ATRNL1: variants seen among roughly 807,000 people sequenced by gnomAD.
ATRNL1 encodes attractin like 1.
Under a neutral mutation model 182.7 loss-of-function variants are expected in ATRNL1, and 95 were observed. The observed-to-expected ratio is 0.52, with a 90% CI of 0.44 to 0.62. The LOEUF (loss-of-function observed/expected upper bound fraction) is 0.62, where lower values mean the gene tolerates loss of function less well. ATRNL1 is among the 20% of genes least tolerant of loss of function. ATRNL1 has a pLI of 0.00. For missense variants in ATRNL1, 1,471 were observed against 1,679.5 expected, an observed-to-expected ratio of 0.88 and a Z score of 2.17; for synonymous variants, 576 against 568.3, an observed-to-expected ratio of 1.01 and a Z score of -0.19.
chr10:115,625,553 T>C (rs184074005), intron 26 of ATRNL1, among the ~76,000 whole-genome samples: 220 of 152,094 alleles, frequency 1.4e-3, no homozygotes, highest in African/African-American at 4.9e-3. Flanking sequence ...AAAGAAAAAA[T>C]AGACCATGAA....
chr10:115,468,324 A>T (rs1461190533), intron 23 of ATRNL1, among the ~76,000 whole-genome samples: 2 of 150,898 alleles, frequency 1.3e-5, no homozygotes, highest in Non-Finnish European at 1.5e-5. Flanking sequence ...TTAGTATGCA[A>T]GACATCACGT....
At chr10:115,919,110 G>C (rs998775209) in intron 28 of ATRNL1, among the ~76,000 whole-genome samples, 6 of 152,140 alleles carry the variant, frequency 3.9e-5, no homozygotes, top group African/African-American at 1.4e-4. Flanking sequence ...GTTCCAGTTG[G>C]GAACCAGCAT....
intron 24 of ATRNL1, among the ~76,000 whole-genome samples, chr10:115,483,705 A>G (rs949196513): frequency 6.6e-6 from 1 of 151,630 alleles, no homozygotes; most frequent in Non-Finnish European, 1.5e-5. Context: ...TTATTTACAC[A>G]TGGTACTTTA....
chr10:115,637,796 T>C (rs1466257727), intron 26 of ATRNL1, among the ~76,000 whole-genome samples: 1 of 151,824 alleles, frequency 6.6e-6, no homozygotes, highest in African/African-American at 2.4e-5. Flanking sequence ...AGCTAGTTTT[T>C]GTTTTGTTAG....
At chr10:115,530,758 C>T (rs1228940126) in intron 25 of ATRNL1, among the ~76,000 whole-genome samples, 7 of 147,066 alleles carry the variant, frequency 4.8e-5, no homozygotes, top group Non-Finnish European at 1.0e-4. Context: ...AGGTATATCT[C>T]CTCATGCTAT....
chr10:115,739,342 T>C (rs1163008198), intron 27 of ATRNL1, among the ~76,000 whole-genome samples: 7 of 152,232 alleles, frequency 4.6e-5, no homozygotes, highest in Non-Finnish European at 1.0e-4. Context: ...AGTAAGACTA[T>C]AATATCCTTT....
chr10:115,917,198 C>T (rs1231727345), intron 28 of ATRNL1, among the ~76,000 whole-genome samples: 1 of 151,734 alleles, frequency 6.6e-6, no homozygotes, highest in African/African-American at 2.4e-5. Flanking sequence ...CGGCTGGGAG[C>T]GGTGGCTCGC....
intron 26 of ATRNL1, among the ~76,000 whole-genome samples, chr10:115,662,355 T>G (rs1444410482): frequency 1.3e-5 from 2 of 152,132 alleles, no homozygotes; most frequent in Non-Finnish European, 2.9e-5. Context: ...ACTTTTACAC[T>G]GTTGGTGGGA....
At chr10:115,338,358 T>C (rs1055551833) in intron 19 of ATRNL1, among the ~76,000 whole-genome samples, 15 of 152,182 alleles carry the variant, frequency 9.9e-5, no homozygotes, top group African/African-American at 3.6e-4. Context: ...TCACCAACTG[T>C]GTACAAGGGT....
intron 20 of ATRNL1, among the ~76,000 whole-genome samples, chr10:115,419,013 G>T (rs564567668): frequency 6.6e-6 from 1 of 152,056 alleles, no homozygotes; most frequent in Non-Finnish European, 1.5e-5. Flanking sequence ...TAATTTTGTT[G>T]TATAAACCAC....
intron 24 of ATRNL1, among the ~76,000 whole-genome samples, chr10:115,508,618 G>A (rs1443315681): frequency 6.6e-6 from 1 of 151,966 alleles, no homozygotes; most frequent in Admixed American, 6.6e-5. Flanking sequence ...TTAGTTGTCC[G>A]AATATAAGAT....
At chr10:115,513,136 C>T (rs1850472351) in intron 24 of ATRNL1, among the ~76,000 whole-genome samples, 1 of 151,910 alleles carries the variant, frequency 6.6e-6, no homozygotes, top group Admixed American at 6.6e-5. Flanking sequence ...CCCAGGGAAG[C>T]CAAAAGATTG....
intron 27 of ATRNL1, among the ~76,000 whole-genome samples, chr10:115,833,033 A>C (rs1233827652): frequency 6.6e-6 from 1 of 151,784 alleles, no homozygotes; most frequent in Non-Finnish European, 1.5e-5. Context: ...GACATGTAAG[A>C]GGAGAAAAAA....
intron 15 of ATRNL1, among the ~76,000 whole-genome samples, chr10:115,287,515 T>G (rs919446407): frequency 1.3e-5 from 2 of 152,030 alleles, no homozygotes; most frequent in Non-Finnish European, 2.9e-5. Context: ...TGTGGAAAAA[T>G]GTCTTAATTT....
chr10:115,536,634 G>A (rs964915638), intron 25 of ATRNL1, among the ~76,000 whole-genome samples: 1 of 152,164 alleles, frequency 6.6e-6, no homozygotes, highest in East Asian at 1.9e-4. Context: ...TGCGCCCACT[G>A]TCTGGCACTC....
At chr10:115,795,186 T>C (rs1367863451) in intron 27 of ATRNL1, among the ~76,000 whole-genome samples, 2 of 152,174 alleles carry the variant, frequency 1.3e-5, no homozygotes, top group African/African-American at 4.8e-5. Flanking sequence ...TATTGCTGCT[T>C]CCAGGCCTCT....
chr10:115,930,827 C>A (rs1425654638), intron 28 of ATRNL1, among the ~76,000 whole-genome samples: 1 of 152,076 alleles, frequency 6.6e-6, no homozygotes, highest in African/African-American at 2.4e-5. Context: ...AATGGGTAGC[C>A]CTTTGGCACT....
At chr10:115,362,461 T>A (rs1374423136) in intron 19 of ATRNL1, among the ~76,000 whole-genome samples, 2 of 152,076 alleles carry the variant, frequency 1.3e-5, no homozygotes, top group Non-Finnish European at 2.9e-5. Flanking sequence ...ATACTTATGA[T>A]TTTTTGTTAT....
intron 26 of ATRNL1, among the ~76,000 whole-genome samples, chr10:115,566,327 C>T (rs1396859480): frequency 1.3e-5 from 2 of 152,092 alleles, no homozygotes; most frequent in Non-Finnish European, 2.9e-5. Flanking sequence ...CACGTATCTC[C>T]TGTAGATGTG....
Sources: allele counts gnomAD v4.1 joint callset (sites outside exome capture counted in the v4.1 genomes callset), GRCh38; gene constraint gnomAD v4.1.1; transcripts MANE v1.5; gene names NCBI Gene and HGNC (gene_info 2026-07-23, HGNC 2026-07-21).